Variants in VWA8 observed in about 807,000 individuals in gnomAD.
VWA8 encodes von Willebrand factor A domain-containing protein 8.
Under a neutral mutation model 241.5 loss-of-function variants are expected in VWA8, and 221 were observed. That is an observed-to-expected ratio of 0.91 (90% CI 0.82 to 1.02). The LOEUF is 1.02. VWA8 is among the 50% of genes least tolerant of loss of function. The pLI is 0.00. For synonymous variants in VWA8, 852 were observed against 827.1 expected (o/e 1.03, Z -0.52); for missense variants, 2,322 against 2,328.7 (o/e 1.00, Z 0.06).
chr13:41,956,402 T>G (rs957809513), intron 1 of VWA8, among the ~76,000 whole-genome samples: 2 of 152,242 alleles, frequency 1.3e-5, no homozygotes, highest in Non-Finnish European at 2.9e-5. Flanking sequence ...CACACTAGTC[T>G]ATGTGCCCCT....
intron 21 of VWA8, among the ~76,000 whole-genome samples, chr13:41,736,576 A>G (rs1593731633): frequency 6.6e-6 from 1 of 152,194 alleles, no homozygotes; most frequent in African/African-American, 2.4e-5. Context: ...TTTAAGGATG[A>G]TATTTTAATA....
At chr13:41,907,559 C>A in intron 4 of VWA8, 27 bp downstream of exon 4, 1 of 1,598,736 alleles carries the variant, frequency 6.3e-7, no homozygotes, top group South Asian at 1.1e-5. Flanking sequence ...AGTACACAGT[C>A]ATGGGCTAGA....
intron 20 of VWA8, among the ~76,000 whole-genome samples, chr13:41,767,992 T>A (rs1593757992): frequency 6.6e-6 from 1 of 152,368 alleles, no homozygotes; most frequent in Middle Eastern, 3.4e-3. Context: ...GCAGAAAGAA[T>A]GTGGCAGAAT....
intron 21 of VWA8, among the ~76,000 whole-genome samples, chr13:41,745,040 C>T (rs1161430287): frequency 1.3e-5 from 2 of 152,002 alleles, no homozygotes; most frequent in Non-Finnish European, 2.9e-5. Context: ...ACGGGTTTCA[C>T]CATGTTAGCC....
intron 40 of VWA8, among the ~76,000 whole-genome samples, chr13:41,591,810 G>A (rs1323806642): frequency 1.4e-5 from 2 of 147,616 alleles, no homozygotes; most frequent in African/African-American, 5.1e-5. Context: ...AAAAAGTCAG[G>A]AAACAACAGG....
intron 26 of VWA8, among the ~76,000 whole-genome samples, chr13:41,709,567 C>G (rs1345541212): frequency 6.6e-6 from 1 of 152,166 alleles, no homozygotes; most frequent in African/African-American, 2.4e-5. Context: ...GCCAAAGGGC[C>G]TCTAATTTCC....
intron 21 of VWA8, among the ~76,000 whole-genome samples, chr13:41,752,353 C>G (rs531692007): frequency 6.6e-6 from 1 of 152,156 alleles, no homozygotes; most frequent in East Asian, 1.9e-4. Flanking sequence ...TGTCCCTCCT[C>G]AAGGCTCCCA....
chr13:41,896,178 ACT>A (rs1288410273), intron 4 of VWA8, among the ~76,000 whole-genome samples: 1 of 152,008 alleles, frequency 6.6e-6, no homozygotes, highest in East Asian at 1.9e-4. Context: ...ATTTGATATA[ACT>A]CTCTCGCACT....
chr13:41,776,577 CAA>C (rs995187348), intron 20 of VWA8, among the ~76,000 whole-genome samples: 7 of 152,200 alleles, frequency 4.6e-5, no homozygotes, highest in African/African-American at 9.6e-5. Context: ...AAAAATGAAA[CAA>C]GAGAATATTA....
chr13:41,686,650 C>A (rs1473247503), intron 34 of VWA8, among the ~76,000 whole-genome samples: 1 of 152,010 alleles, frequency 6.6e-6, no homozygotes, highest in Non-Finnish European at 1.5e-5. Flanking sequence ...ATCTGTAATT[C>A]CCCTCTCCAA....
At chr13:41,760,872 GT>G (rs1335219512) in intron 21 of VWA8, among the ~76,000 whole-genome samples, 2 of 151,922 alleles carry the variant, frequency 1.3e-5, no homozygotes, top group Non-Finnish European at 2.9e-5. Flanking sequence ...GATGAGATCT[GT>G]TCCTAGAATG....
chr13:41,743,620 A>T (rs1216830437), intron 21 of VWA8, among the ~76,000 whole-genome samples: 1 of 152,218 alleles, frequency 6.6e-6, no homozygotes, highest in Non-Finnish European at 1.5e-5. Flanking sequence ...GCTGCCAAAC[A>T]TATCAGCGTT....
At chr13:41,933,381 T>C (rs1877211134) in intron 2 of VWA8, among the ~76,000 whole-genome samples, 1 of 152,036 alleles carries the variant, frequency 6.6e-6, no homozygotes, top group Non-Finnish European at 1.5e-5. Context: ...ATAGCAATTA[T>C]CTCCAAAATG....
chr13:41,782,346 G>A (rs897931200), intron 19 of VWA8, among the ~76,000 whole-genome samples: 1 of 152,046 alleles, frequency 6.6e-6, no homozygotes, highest in African/African-American at 2.4e-5. Flanking sequence ...ATTGTCTTTT[G>A]TTCTTTGTCT....
At chr13:41,902,207 C>T (rs1269469858) in intron 4 of VWA8, among the ~76,000 whole-genome samples, 7 of 151,948 alleles carry the variant, frequency 4.6e-5, no homozygotes, top group East Asian at 1.9e-4. Flanking sequence ...AAATATTGTA[C>T]GGATACTAAA....
chr13:41,644,452 G>A (rs1235561690), intron 37 of VWA8, among the ~76,000 whole-genome samples: 2 of 152,188 alleles, frequency 1.3e-5, no homozygotes, highest in African/African-American at 2.4e-5. Flanking sequence ...ACAGATTCCC[G>A]GCCAGGGCCA....
chr13:41,681,611 C>G (rs1373956036), intron 35 of VWA8, among the ~76,000 whole-genome samples: 1 of 152,128 alleles, frequency 6.6e-6, no homozygotes, highest in Non-Finnish European at 1.5e-5. Context: ...GGTCTCTGAC[C>G]ATACTGGTAA....
intron 2 of VWA8, among the ~76,000 whole-genome samples, chr13:41,947,661 G>A (rs368744041): frequency 9.2e-5 from 14 of 152,094 alleles, no homozygotes; most frequent in South Asian, 4.1e-4. Context: ...GTGGTCGGGC[G>A]CAGTGGCTCA....
At chr13:41,909,045 A>C (rs2138110027) in intron 3 of VWA8, among the ~76,000 whole-genome samples, 1 of 147,172 alleles carries the variant, frequency 6.8e-6, no homozygotes, top group East Asian at 2.0e-4. Flanking sequence ...TACGTAAAGG[A>C]GGAAAAAAAT....
Sources: allele counts gnomAD v4.1 joint callset (sites outside exome capture counted in the v4.1 genomes callset), GRCh38; gene constraint gnomAD v4.1.1; transcripts MANE v1.5; gene names NCBI Gene and HGNC (gene_info 2026-07-23, HGNC 2026-07-21).